MON1B: variants seen among roughly 807,000 people sequenced by gnomAD.
MON1B encodes MON1 vesicular trafficking associated B.
Under a neutral mutation model 45.1 loss-of-function variants are expected in MON1B, and 26 were observed. The observed-to-expected ratio is 0.58, with a 90% confidence interval of 0.42 to 0.80. MON1B has a LOEUF of 0.80. Among genes scored for constraint, MON1B ranks in the 30% least tolerant of loss-of-function variants. MON1B has a pLI of 0.00. For synonymous variants in MON1B, 395 were observed against 320.2 expected (o/e 1.23, Z -2.49); for missense variants, 737 against 754.5 (o/e 0.98, Z 0.27).
At position 77,198,458 on chromosome 16, in the gene MON1B, A is replaced by G; in HGVS notation, c.*150A>G. ...CAAGGTCTGAGGGCCCACCGATGAG[A>G]GAGATGGTGGCAGCCGCCAGGCGAG... On this transcript the variant is annotated 3_prime_UTR_variant, in exon 6 of 6. Transcript: ENST00000248248. 3 of 849,968 alleles carry G rather than the reference A, an allele frequency of 3.5e-6. No individual in the cohort carries two copies. The South Asian group carries it at 5.2e-5, about 15-fold the overall frequency. The allele number at this position is 849,968 out of a possible 1,614,324, so 52.7% of individuals were successfully genotyped here. A position where few individuals can be genotyped will look rare whatever the true frequency, so the allele number is the denominator to read the frequency against.
At chr16:77,191,659 A>G (rs907476976) in intron 2 of MON1B, 26 bp downstream of exon 2, 2 of 1,599,914 alleles carry the variant, frequency 1.3e-6, no homozygotes, top group Admixed American at 1.8e-5. Flanking sequence ...GTGGGGTCTT[A>G]AAAGGAATCC....
rs946671015 is a variant in MON1B, at chr16:77,202,226, G to A, written c.*3918G>A. On this transcript the variant is annotated 3_prime_UTR_variant, in exon 6 of 6. Transcript: ENST00000248248. ...CCTGGTAGATTCCCTTTGTATATAGGAAATAGACACTGGAATAGTAAGGAG... is the reference window on the plus strand; with the variant it reads ...CCTGGTAGATTCCCTTTGTATATAGAAAATAGACACTGGAATAGTAAGGAG... 2.6e-5 allele frequency: 4 copies of A among 152,158 alleles called. No individual in the cohort carries two copies. Among genetic ancestry groups the A allele is most frequent in the Non-Finnish European group, 5.9e-5 (4 of 68,044 alleles). 9.4% of individuals were successfully genotyped at this position (152,158 alleles called of 1,614,324 possible). A position where few individuals can be genotyped will look rare whatever the true frequency, so the allele number is the denominator to read the frequency against.
intron 5 of MON1B, 40 bp from the exon 6 acceptor site, chr16:77,198,068 G>C (rs748719044): frequency 1.3e-6 from 2 of 1,591,228 alleles, no homozygotes; most frequent in Non-Finnish European, 1.7e-6. Flanking sequence ...TCCATAGCCA[G>C]CTCTGGCCCA....
chr16:77,191,532 AG>A lies in MON1B; in HGVS notation c.49del (p.Asp17ThrfsTer99). The A allele has an allele frequency of 6.2e-7, 1 of 1,608,204 alleles. No individual in the cohort carries two copies. Among genetic ancestry groups the A allele is most frequent in the East Asian group, 2.2e-5 (1 of 44,816 alleles). On this transcript the variant is annotated frameshift_variant, in exon 2 of 6. Coordinates refer to ENST00000248248, the MANE Select transcript of MON1B (RefSeq NM_014940.4). LOFTEE classifies it high-confidence loss of function. ...GCTGCCCCGGCCCCCGGGGGCGCGG[AG>A]GACTTGGAGGACACGCAGTTCCCCA... is the stretch of plus-strand genomic sequence containing the variant. ...DTAAPAPGGA[E>X]DLEDTQFPSE...
intron 2 of MON1B, 48 bp downstream of exon 2, chr16:77,191,681 CATT>C (rs2054616760): frequency 1.9e-6 from 3 of 1,567,338 alleles, no homozygotes; most frequent in Non-Finnish European, 2.6e-6. Context: ...TAGGGGTTGT[CATT>C]GTTGGACGGG....
rs776541685 is a variant in MON1B at position 77,198,329 on chromosome 16, G to A, written c.*21G>A. The A allele has an allele frequency of 1.2e-6, 2 of 1,607,846 alleles. No individual in the cohort carries two copies. The highest frequency in any genetic ancestry group is 2.2e-5 in the East Asian group (1 of 44,840). On this transcript the variant is annotated 3_prime_UTR_variant, in exon 6 of 6. Coordinates refer to ENST00000248248, the MANE Select transcript of MON1B (RefSeq NM_014940.4). ...TCTGATAGTTGGAGCTCCCAGACCA[G>A]GCAGTGCTGGGAGCAACCACCTTTG...
rs1171938126 is a variant in MON1B at position 77,199,778 on chromosome 16, G to A, written c.*1470G>A. The A allele has an allele frequency of 8.6e-6, 3 of 349,624 alleles. No homozygotes were observed. Among genetic ancestry groups the A allele is most frequent in the South Asian group, 1.2e-4 (2 of 16,704 alleles). 21.7% of individuals were successfully genotyped at this position (349,624 alleles called of 1,614,324 possible). ...AAACAACATGTAGTTCAGTACGAAA[G>A]TCTTCAAACAAAAGTGGGGCGGTGG... On this transcript the variant is annotated 3_prime_UTR_variant, in exon 6 of 6. Transcript: ENST00000248248.
In MON1B at chr16:77,194,739, C is replaced by T; in HGVS notation, c.880C>T (p.Leu294=). Residue 294 remains leucine (L), a synonymous_variant, in exon 4 of 6, where the codon CTG becomes TTG. Transcript: ENST00000248248. The surrounding 1 kb of genome is among the most constrained non-coding windows in gnomAD (Gnocchi z 8.1). ...AACAGCAGCCCAGGAGCGAAATGTG[C>T]TGGCCGAGTGCCGGCTGGACCCAGC... is the stretch of plus-strand genomic sequence containing the variant. ...LITAAQERNV[L]AECRLDPADL... is the part of the protein sequence containing the mutation. 1.2e-6 allele frequency: 2 copies of T among 1,613,804 alleles called. No individual in the cohort carries two copies. The highest frequency in any genetic ancestry group is 1.3e-5 in the African/African-American group (1 of 75,066).
Position 77,200,761 on chromosome 16 carries a change from A to G in MON1B, c.*2453A>G, listed in dbSNP as rs1597380844. ...ACAGAGTGAGCAAAAAAAAAAAAAAAAAAAGAAAAAACAAAAAGAAAAAAA... is the reference window on the plus strand; with the variant it reads ...ACAGAGTGAGCAAAAAAAAAAAAAAGAAAAGAAAAAACAAAAAGAAAAAAA... On this transcript the variant is annotated 3_prime_UTR_variant, in exon 6 of 6. Transcript: ENST00000248248. The G allele has an allele frequency of 2.9e-5, 3 of 104,488 alleles. No individual in the cohort carries two copies. Among genetic ancestry groups the G allele is most frequent in the East Asian group, 3.2e-4 (1 of 3,144 alleles). The allele number at this position is 104,488 out of a possible 1,614,324, so 6.5% of individuals were successfully genotyped here.
At chr16:77,196,353 T>G (rs990481800) in intron 5 of MON1B, among the ~76,000 whole-genome samples, 3 of 151,258 alleles carry the variant, frequency 2.0e-5, no homozygotes, top group Non-Finnish European at 3.0e-5. Context: ...GCAAAAACAA[T>G]ATAAAGAGTT....
Position 77,191,268 on chromosome 16 carries a change from T to C in MON1B, c.-11+10T>C. On this transcript the variant is annotated intron_variant, in intron 1 of 5. Coordinates refer to ENST00000248248, the MANE Select transcript of MON1B (RefSeq NM_014940.4). ...TTCGGAGTTAAAACAGGTGTTTGTA[T>C]ATCTCTATTTCCTGAGGCCCAGTAG... is the stretch of plus-strand genomic sequence containing the variant. 6.5e-7 allele frequency: 1 copy of C among 1,541,088 alleles called. No homozygotes were observed. Among genetic ancestry groups the C allele is most frequent in the Non-Finnish European group, 8.7e-7 (1 of 1,146,632 alleles).
At position 77,199,141 on chromosome 16, in the gene MON1B, C is replaced by T. The variant is rs777470215; in HGVS notation, c.*833C>T. The T allele has an allele frequency of 3.7e-5, 13 of 354,770 alleles. No homozygotes were observed. The highest frequency in any genetic ancestry group is 6.1e-5 in the Non-Finnish European group (12 of 196,436). The allele number at this position is 354,770 out of a possible 1,614,324, so 22.0% of individuals were successfully genotyped here. On this transcript the variant is annotated 3_prime_UTR_variant, in exon 6 of 6. Transcript: ENST00000248248. ...GTCTGTCCCAGACTTTGACAACCTG[C>T]ACAAGACAAGCAGCCTAAAGCAGGA...
Position 77,191,637 on chromosome 16 carries a change from T to C in MON1B, c.148+4T>C, listed in dbSNP as rs748193224. Reference sequence around the variant, plus strand: ...GACGAGGGCCTGGAGGAAACAGGTATGACTCCACTTAGTGGGGTCTTAAAA... The same window carrying C: ...GACGAGGGCCTGGAGGAAACAGGTACGACTCCACTTAGTGGGGTCTTAAAA... On this transcript the variant is annotated splice_donor_region_variant and intron_variant, in intron 2 of 5. Transcript: ENST00000248248. 7.5e-6 allele frequency: 12 copies of C among 1,610,264 alleles called. No individual in the cohort carries two copies. The highest frequency in any genetic ancestry group is 5.1e-5 in the Admixed American group (3 of 58,772).
chr16:77,197,050 T>A (rs567916594), intron 5 of MON1B, among the ~76,000 whole-genome samples: 1 of 152,202 alleles, frequency 6.6e-6, no homozygotes, highest in East Asian at 1.9e-4. Context: ...ATGGAGCCCT[T>A]ATACCTTTTA....
intron 5 of MON1B, 90 bp downstream of exon 5, chr16:77,195,772 C>A (rs2017197): frequency 1.3e-6 from 2 of 1,493,614 alleles, no homozygotes; most frequent in Non-Finnish European, 1.8e-6. Flanking sequence ...GTGCCTCCAC[C>A]AAACACAGCA....
chr16:77,200,528 G>T lies in MON1B; in HGVS notation c.*2220G>T, dbSNP rs2054728198. ...CCCAGCACTTTGGAAGGCCGAGGCG[G>T]GTGGGTCACCTGAGGTCAGGAGTTT... is the stretch of plus-strand genomic sequence containing the variant. On this transcript the variant is annotated 3_prime_UTR_variant, in exon 6 of 6. Coordinates refer to ENST00000248248, the MANE Select transcript of MON1B (RefSeq NM_014940.4). The T allele has an allele frequency of 6.6e-6, 1 of 151,226 alleles. No individual in the cohort carries two copies. The highest frequency in any genetic ancestry group is 2.4e-5 in the African/African-American group (1 of 41,302). 9.4% of individuals were successfully genotyped at this position (151,226 alleles called of 1,614,324 possible).
At position 77,198,114 on chromosome 16, in the gene MON1B, T is replaced by C; in HGVS notation, c.1450T>C (p.Ser484Pro). 1 of 1,613,974 alleles carries C rather than the reference T, an allele frequency of 6.2e-7. No individual in the cohort carries two copies. The change falls in exon 6 of 6, where the codon TCC (serine) becomes CCC (proline). Residue 484 changes from serine (S) to proline (P), a missense_variant. Transcript: ENST00000248248. ...TCTCCTCCGAAACCCCCAGGTGACCTCCAAATTCGAGCTCTATACCTGCCT... is the reference window on the plus strand; with the variant it reads ...TCTCCTCCGAAACCCCCAGGTGACCCCCAAATTCGAGCTCTATACCTGCCT... The part of the protein sequence containing the change: ...EKETLLAWVT[S>P]KFELYTCLSP...
rs1408338412 is a variant in MON1B at position 77,193,501 on chromosome 16, G to C, written c.199G>C (p.Glu67Gln). The C allele has an allele frequency of 6.2e-7, 1 of 1,603,984 alleles. No homozygotes were observed. Among genetic ancestry groups the C allele is most frequent in the Non-Finnish European group, 8.5e-7 (1 of 1,173,588 alleles). Reference protein sequence around the residue: ...PPSPSPPPQSEALSSTSRLWS... With the variant: ...PPSPSPPPQSQALSSTSRLWS... ...CAGCCCATCACCACCGCCCCAGTCAGAGGCCCTGTCAAGCACCTCTCGGCT... is the reference window on the plus strand; with the variant it reads ...CAGCCCATCACCACCGCCCCAGTCACAGGCCCTGTCAAGCACCTCTCGGCT... The change falls in exon 3 of 6, where the codon GAG (glutamate) becomes CAG (glutamine). Residue 67 changes from glutamate (E) to glutamine (Q), a missense_variant. Coordinates refer to ENST00000248248, the MANE Select transcript of MON1B (RefSeq NM_014940.4). The surrounding 1 kb of genome is among the most constrained non-coding windows in gnomAD (Gnocchi z 5.0).
chr16:77,191,599 G>A lies in MON1B; in HGVS notation c.114G>A (p.Pro38=). ...AAGGTGGAGGGGTTCACGCGGTCCC[G>A]CCGGATCCCGAAGACGAGGGCCTGG... ...AREGGGVHAV[P]PDPEDEGLEE... is the part of the protein sequence containing the mutation. The change falls in exon 2 of 6, where the codon CCG becomes CCA. Residue 38 remains proline, a synonymous_variant. Coordinates refer to ENST00000248248, the MANE Select transcript of MON1B (RefSeq NM_014940.4). The A allele has an allele frequency of 1.9e-6, 3 of 1,610,042 alleles. No individual in the cohort carries two copies. Among genetic ancestry groups the A allele is most frequent in the South Asian group, 2.2e-5 (2 of 90,662 alleles).
Sources: allele counts gnomAD v4.1 joint callset (sites outside exome capture counted in the v4.1 genomes callset), GRCh38; gene constraint gnomAD v4.1.1; non-coding constraint Gnocchi (gnomAD v3.1); transcripts MANE v1.5; gene names NCBI Gene and HGNC (gene_info 2026-07-23, HGNC 2026-07-21).